Variants in DCTN4 observed in about 807,000 individuals in gnomAD.
DCTN4 encodes dynactin 4 (p62).
Under a neutral mutation model 62.7 loss-of-function variants are expected in DCTN4, and 23 were observed. The ratio of observed to expected loss-of-function variants is 0.37; its 90% CI spans 0.26 to 0.52. The LOEUF (loss-of-function observed/expected upper bound fraction) is 0.52, where lower values mean the gene tolerates loss of function less well. Among genes scored for constraint, DCTN4 ranks in the 20% least tolerant of loss-of-function variants. The pLI is 0.92. For synonymous variants in DCTN4, 199 were observed against 202.1 expected, an observed-to-expected ratio of 0.98 and a Z score of 0.13; for missense variants, 514 against 580.4, an observed-to-expected ratio of 0.89 and a Z score of 1.18.
intron 3 of DCTN4, among the ~76,000 whole-genome samples, chr5:150,748,719 T>C (rs547943958): frequency 8.6e-5 from 12 of 139,952 alleles, no homozygotes; most frequent in Middle Eastern, 4.1e-3. Flanking sequence ...TTCTCACTCA[T>C]AGATGGGAAT....
chr5:150,715,782 T>C, intron 11 of DCTN4, 120 bp from the exon 12 acceptor site: 1 of 716,286 alleles, frequency 1.4e-6, no homozygotes, highest in South Asian at 1.8e-5. Context: ...CATATACTAC[T>C]TCTATGGAGT....
At chr5:150,758,187 T>G (rs972456762) in intron 1 of DCTN4, 1 of 985,464 alleles carries the variant, frequency 1.0e-6, no homozygotes, top group Non-Finnish European at 1.2e-6. Flanking sequence ...GTTTTGTTAT[T>G]TGGTGACTTT....
At chr5:150,741,164 C>CAAAAAA (rs754641920) in intron 4 of DCTN4, among the ~76,000 whole-genome samples, 4,259 of 58,098 alleles carry the variant, frequency 0.073, 475 homozygotes, top group African/African-American at 0.22. Flanking sequence ...GATCCTGTCT[C>CAAAAAA]AAAAAAAAAA....
chr5:150,740,782 A>C (rs1176660567), intron 4 of DCTN4, among the ~76,000 whole-genome samples: 1 of 152,230 alleles, frequency 6.6e-6, no homozygotes, highest in Non-Finnish European at 1.5e-5. Context: ...CATTATTCTA[A>C]GTGAAGTAAC....
chr5:150,719,842 G>C (rs1759896345), intron 9 of DCTN4, 72 bp from the exon 10 acceptor site: 1 of 944,942 alleles, frequency 1.1e-6, no homozygotes, highest in Non-Finnish European at 1.6e-6. Flanking sequence ...TTTAAAGCTA[G>C]TGCAGTACAT....
At chr5:150,729,042 CTTTTT>C (rs61106544) in intron 8 of DCTN4, among the ~76,000 whole-genome samples, 1 of 52,140 alleles carries the variant, frequency 1.9e-5, no homozygotes, top group Admixed American at 2.9e-4. Context: ...ACCACACTGG[CTTTTT>C]TTTTTTTTTT....
chr5:150,757,732 C>T (rs1752913691), intron 1 of DCTN4, among the ~76,000 whole-genome samples: 1 of 151,984 alleles, frequency 6.6e-6, no homozygotes, highest in African/African-American at 2.4e-5. Context: ...CTTGACTATT[C>T]CTATTATGAA....
In DCTN4 at chr5:150,731,432, T is replaced by C. The variant is rs761962703; in HGVS notation, c.595A>G (p.Thr199Ala). Reference protein sequence around the residue: ...QRPRAGASISTLAGLSLKEGE... With the variant: ...QRPRAGASISALAGLSLKEGE... ...TAAACTTACGAAAGTCCGGCAAGGG[T>C]ACTGATGGATGCACCAGCTCGTGGT... The change falls in exon 6 of 13, where the codon ACC (threonine) becomes GCC (alanine). Residue 199 changes from threonine (T) to alanine (A), a missense_variant. Thr to Ala is a moderately conservative substitution (Grantham distance 58, BLOSUM62 0). Transcript: ENST00000447998. 6.2e-7 allele frequency: 1 copy of C among 1,613,960 alleles called. No homozygotes were observed.
At chr5:150,725,796 C>G (rs75620417) in intron 8 of DCTN4, among the ~76,000 whole-genome samples, 1,678 of 152,270 alleles carry the variant, frequency 0.011, 29 homozygotes, top group African/African-American at 0.036. Context: ...ATGGCAGCAG[C>G]AGCATGTGCA....
chr5:150,721,326 C>A (rs1227594768), intron 9 of DCTN4, among the ~76,000 whole-genome samples: 1 of 152,264 alleles, frequency 6.6e-6, no homozygotes, highest in East Asian at 1.9e-4. Context: ...AAACTGTTTG[C>A]AGCTTTTTGC....
intron 12 of DCTN4, among the ~76,000 whole-genome samples, chr5:150,713,941 A>AC (rs1364003314): frequency 6.6e-6 from 1 of 151,272 alleles, no homozygotes; most frequent in Non-Finnish European, 1.5e-5. Flanking sequence ...ACATGGCAAA[A>AC]CCCCATCTCT....
chr5:150,742,115 C>A lies in DCTN4; in HGVS notation c.428G>T (p.Arg143Leu). 6.2e-7 allele frequency: 1 copy of A among 1,613,764 alleles called. No homozygotes were observed. Among genetic ancestry groups the A allele is most frequent in the Non-Finnish European group, 8.5e-7 (1 of 1,179,726 alleles). The change falls in exon 4 of 13, where the codon CGG becomes CTG. Residue 143 changes from arginine (R) to leucine (L), a missense_variant and splice_region_variant. Coordinates refer to ENST00000447998, the MANE Select transcript of DCTN4 (RefSeq NM_016221.4). Reference protein sequence around the residue: ...WQEPENPHTQRMNKLIEYYQQ... With the variant: ...WQEPENPHTQLMNKLIEYYQQ... Reference sequence around the variant, plus strand: ...TCTCTCTTATGACCCTTTACTTACCCGTTGTGTGTGAGGATTTTCAGGTTC... The same window carrying A: ...TCTCTCTTATGACCCTTTACTTACCAGTTGTGTGTGAGGATTTTCAGGTTC...
chr5:150,724,105 A>G (rs1201226905), intron 8 of DCTN4, among the ~76,000 whole-genome samples: 1 of 152,212 alleles, frequency 6.6e-6, no homozygotes, highest in Non-Finnish European at 1.5e-5. Context: ...TGCTATTTTA[A>G]TGGATACTGA....
chr5:150,755,064 C>T (rs529317526), intron 2 of DCTN4, among the ~76,000 whole-genome samples: 2 of 152,122 alleles, frequency 1.3e-5, no homozygotes, highest in Non-Finnish European at 2.9e-5. Context: ...AGAACTCTCT[C>T]CTGCTCCTAA....
At position 150,709,625 on chromosome 5, in the gene DCTN4, A is replaced by C. The variant is rs557402305; in HGVS notation, c.*1524T>G. The C allele has an allele frequency of 7.9e-5, 12 of 152,480 alleles. No homozygotes were observed. The South Asian group carries it at 2.5e-3, about 32-fold the overall frequency. The allele number at this position is 152,480 out of a possible 1,614,324, so 9.4% of individuals were successfully genotyped here. On this transcript the variant is annotated 3_prime_UTR_variant, in exon 13 of 13. Coordinates refer to ENST00000447998, the MANE Select transcript of DCTN4 (RefSeq NM_016221.4). ...CACTGCATCACATATATTACTCTGT[A>C]GGACTGTTTCATAAAATTGGCTTGA...
At chr5:150,723,456 G>A (rs975657626) in intron 8 of DCTN4, among the ~76,000 whole-genome samples, 9 of 152,170 alleles carry the variant, frequency 5.9e-5, no homozygotes, top group Non-Finnish European at 1.0e-4. Flanking sequence ...CAGATCCTAT[G>A]CTTTAAAGTA....
intron 4 of DCTN4, among the ~76,000 whole-genome samples, chr5:150,735,533 T>A (rs559977577): frequency 6.6e-6 from 1 of 152,182 alleles, no homozygotes; most frequent in African/African-American, 2.4e-5. Context: ...CGGAGACTGA[T>A]AGCTCTGGCC....
At chr5:150,738,948 C>T (rs1272422995) in intron 4 of DCTN4, among the ~76,000 whole-genome samples, 1 of 152,130 alleles carries the variant, frequency 6.6e-6, no homozygotes, top group African/African-American at 2.4e-5. Flanking sequence ...AACCCGAACA[C>T]TTTGGGAGGC....
chr5:150,723,312 T>C (rs1364082547), intron 8 of DCTN4, among the ~76,000 whole-genome samples: 1 of 152,188 alleles, frequency 6.6e-6, no homozygotes, highest in East Asian at 1.9e-4. Flanking sequence ...CTTTATGAGC[T>C]AGGTATAGGT....
Sources: allele counts gnomAD v4.1 joint callset (sites outside exome capture counted in the v4.1 genomes callset), GRCh38; gene constraint gnomAD v4.1.1; transcripts MANE v1.5; gene names NCBI Gene and HGNC (gene_info 2026-07-23, HGNC 2026-07-21).